Variants in EYS observed in about 807,000 individuals in gnomAD.
EYS encodes protein eyes shut homolog.
A neutral mutation model predicts 282.1 loss-of-function variants in EYS; 250 were observed. The observed-to-expected ratio is 0.89, with a 90% CI of 0.80 to 0.98. EYS has a LOEUF of 0.98. EYS is among the 50% of genes least tolerant of loss of function. The pLI is 0.00. For synonymous variants in EYS, 1,355 were observed against 1,282.9 expected (o/e 1.06, Z -1.20); for missense variants, 4,016 against 3,709.0 (o/e 1.08, Z -2.15).
At chr6:64,810,861 G>T (rs1484784455) in intron 22 of EYS, among the ~76,000 whole-genome samples, 1 of 151,826 alleles carries the variant, frequency 6.6e-6, no homozygotes, top group African/African-American at 2.4e-5. Context: ...ACTATGATTG[G>T]CATAAACTTT....
chr6:65,510,837 A>G (rs1228101521), intron 2 of EYS, among the ~76,000 whole-genome samples: 1 of 152,208 alleles, frequency 6.6e-6, no homozygotes, highest in Admixed American at 6.5e-5. Flanking sequence ...GTATTACTCA[A>G]GGCAATTATT....
At chr6:65,368,080 AAGG>A (rs1474294574) in intron 8 of EYS, among the ~76,000 whole-genome samples, 3 of 151,502 alleles carry the variant, frequency 2.0e-5, no homozygotes, top group Non-Finnish European at 4.4e-5. Context: ...TGGCAGCAGG[AAGG>A]AGAAGTGCTG....
chr6:64,596,661 GA>G (rs1466937719), intron 24 of EYS, among the ~76,000 whole-genome samples: 31 of 152,170 alleles, frequency 2.0e-4, no homozygotes, highest in African/African-American at 7.5e-4. Flanking sequence ...CTCATATGAA[GA>G]AAAATAAAAC....
intron 14 of EYS, among the ~76,000 whole-genome samples, chr6:64,995,148 T>G (rs989359035): frequency 6.6e-6 from 1 of 152,166 alleles, no homozygotes; most frequent in Non-Finnish European, 1.5e-5. Context: ...AGGTCAGTTA[T>G]GCAGGTGCTT....
intron 22 of EYS, among the ~76,000 whole-genome samples, chr6:64,808,161 T>C (rs1764495074): frequency 1.3e-5 from 2 of 151,664 alleles, no homozygotes; most frequent in Non-Finnish European, 2.9e-5. Flanking sequence ...CTACCTATGA[T>C]CACGATATAG....
At chr6:63,885,702 G>A (rs892042730) in intron 35 of EYS, among the ~76,000 whole-genome samples, 1 of 152,124 alleles carries the variant, frequency 6.6e-6, no homozygotes, top group Non-Finnish European at 1.5e-5. Context: ...GAATCTGGGG[G>A]CATGGGAACT....
chr6:65,344,279 G>A, intron 9 of EYS, 102 bp from the exon 10 acceptor site: 1 of 983,122 alleles, frequency 1.0e-6, no homozygotes, highest in South Asian at 1.4e-5. Flanking sequence ...AGATAAATTT[G>A]ACAACATCTG....
intron 14 of EYS, among the ~76,000 whole-genome samples, chr6:64,968,795 G>A (rs1269856208): frequency 6.6e-6 from 1 of 151,572 alleles, no homozygotes; most frequent in Non-Finnish European, 1.5e-5. Context: ...CAGACTGTTG[G>A]CAGTTGAAAA....
chr6:64,247,852 G>T (rs77174598), intron 30 of EYS, among the ~76,000 whole-genome samples: 4,461 of 152,254 alleles, frequency 0.029, 72 homozygotes, highest in African/African-American at 0.05. Flanking sequence ...TGGTGGAAAT[G>T]AGTTTGAACT....
intron 1 of EYS, among the ~76,000 whole-genome samples, chr6:65,674,450 C>CAAAA (rs56958605): frequency 1.7e-4 from 6 of 34,768 alleles, no homozygotes; most frequent in African/African-American, 6.3e-4. Flanking sequence ...GACTCCGTCT[C>CAAAA]AAAAAAAAAA....
rs1383011483 is a variant in EYS, at chr6:64,873,808, A to G, written c.2992+12889T>C. 3.3e-5 allele frequency among the ~76,000 whole-genome samples: 5 copies of G among 152,180 alleles called. No individual in the cohort carries two copies. In the East Asian group the frequency reaches 9.7e-4, roughly 29 times the overall value. ...ACATCATATTGTGCCTCATAAATATATACAATTACTATGTGTCAATTAAAA... is the reference window on the plus strand; with the variant it reads ...ACATCATATTGTGCCTCATAAATATGTACAATTACTATGTGTCAATTAAAA... On this transcript the variant is annotated intron_variant, in intron 19 of 42. Coordinates refer to ENST00000503581, the MANE Select transcript of EYS (RefSeq NM_001142800.2).
chr6:64,596,087 A>G (rs982035404), intron 24 of EYS, among the ~76,000 whole-genome samples: 1 of 151,998 alleles, frequency 6.6e-6, no homozygotes, highest in Non-Finnish European at 1.5e-5. Flanking sequence ...CAGGGAGGGG[A>G]TGGGTAGGGG....
chr6:64,955,488 C>T (rs1053669092), intron 14 of EYS, among the ~76,000 whole-genome samples: 1 of 152,074 alleles, frequency 6.6e-6, no homozygotes, highest in African/African-American at 2.4e-5. Context: ...CACACTGGCA[C>T]CACCCTTGTG....
intron 33 of EYS, among the ~76,000 whole-genome samples, chr6:64,042,218 T>A (rs1300997706): frequency 6.6e-6 from 1 of 152,186 alleles, no homozygotes; most frequent in African/African-American, 2.4e-5. Context: ...TAATTTGGAG[T>A]ACTGGTCAGG....
At chr6:64,932,105 G>A (rs1291338422) in intron 15 of EYS, among the ~76,000 whole-genome samples, 5 of 152,124 alleles carry the variant, frequency 3.3e-5, no homozygotes, top group African/African-American at 1.2e-4. Context: ...AAAAATGATT[G>A]AATCTCATAA....
At chr6:63,938,839 T>A (rs927799793) in intron 35 of EYS, among the ~76,000 whole-genome samples, 3 of 152,206 alleles carry the variant, frequency 2.0e-5, no homozygotes, top group South Asian at 4.1e-4. Flanking sequence ...CTGAGTTGGA[T>A]GAGCACATAT....
chr6:64,684,939 T>A (rs1304517015), intron 22 of EYS, among the ~76,000 whole-genome samples: 1 of 151,984 alleles, frequency 6.6e-6, no homozygotes, highest in Non-Finnish European at 1.5e-5. Flanking sequence ...ACCATATAAT[T>A]GTTATAATAA....
chr6:64,595,749 G>A (rs183513027), intron 24 of EYS, among the ~76,000 whole-genome samples: 4 of 152,198 alleles, frequency 2.6e-5, no homozygotes, highest in South Asian at 2.1e-4. Context: ...AAATCTGCAA[G>A]GAAAACTACA....
chr6:63,826,093 T>C (rs1771452494), intron 36 of EYS, among the ~76,000 whole-genome samples: 1 of 152,100 alleles, frequency 6.6e-6, no homozygotes, highest in Non-Finnish European at 1.5e-5. Context: ...TTTAGAAATG[T>C]AAAATGCTCT....
Sources: gnomAD v4.1 joint callset for allele counts (sites outside exome capture counted in the v4.1 genomes callset) on GRCh38, gnomAD v4.1.1 for gene constraint, MANE v1.5 for transcripts, NCBI Gene and HGNC (gene_info 2026-07-23, HGNC 2026-07-21) for gene names.